The following OR4K5 variants were observed in gnomAD, a reference collection of about 807,000 sequenced individuals.
The protein encoded by OR4K5 is olfactory receptor family 4 subfamily K member 5, also known as olfactory receptor 4K5.
For missense variants in OR4K5, 520 were observed against 377.1 expected, an observed-to-expected ratio of 1.38 and a Z score of -3.14; for synonymous variants, 187 against 142.2, an observed-to-expected ratio of 1.31 and a Z score of -2.24.
In OR4K5 at chr14:19,921,388, C is replaced by CA; in HGVS notation, c.782_783insA (p.Phe262LeufsTer8). ...CCTTGCATCTTCATCTATGTGTGGC[C>CA]CTTTACCATCTCTCCTTTGGATAAA... On this transcript the variant is annotated frameshift_variant, in exon 1 of 1. Coordinates refer to ENST00000315915, the MANE Select transcript of OR4K5 (RefSeq NM_001005483.1). LOFTEE classifies it low-confidence loss of function (END_TRUNC). 6.2e-7 allele frequency: 1 copy of CA among 1,614,090 alleles called. No homozygotes were observed. Among genetic ancestry groups the CA allele is most frequent in the South Asian group, 1.1e-5 (1 of 91,084 alleles).
Position 19,921,191 on chromosome 14 carries a change from T to G in OR4K5, c.585T>G (p.Ile195Met). 2 of 1,614,154 alleles carry G rather than the reference T, an allele frequency of 1.2e-6. No homozygotes were observed. The highest frequency in any genetic ancestry group is 1.7e-6 in the Non-Finnish European group (2 of 1,179,978). Residue 195 changes from isoleucine (I) to methionine (M), a missense_variant, in exon 1 of 1, where the codon ATT becomes ATG. Coordinates refer to ENST00000315915, the MANE Select transcript of OR4K5 (RefSeq NM_001005483.1). ...TKLACLDSYI[I>M]EILIVVNSGI... is the part of the protein sequence containing the mutation. ...TTGCCTGCCTGGACTCTTACATCAT[T>G]GAAATACTAATTGTGGTCAATAGTG...
At position 19,920,903 on chromosome 14, in the gene OR4K5, CCAAATT is replaced by C; in HGVS notation, c.298_303del (p.Gln100_Ile101del). On this transcript the variant is annotated inframe_deletion, in exon 1 of 1. Transcript: ENST00000315915. ...CCATATCTTTCAGTGGCTGCATAGCCCAAATTTTCTTTATTCACCTTTTTACTGGAG... is the reference window on the plus strand; with the variant it reads ...CCATATCTTTCAGTGGCTGCATAGCCTTCTTTATTCACCTTTTTACTGGAG... The C allele has an allele frequency of 6.2e-7, 1 of 1,614,138 alleles. No homozygotes were observed. The highest frequency in any genetic ancestry group is 8.5e-7 in the Non-Finnish European group (1 of 1,179,988).
rs1881916231 is a variant in OR4K5 at position 19,920,872 on chromosome 14, A to G, written c.266A>G (p.His89Arg). Reference sequence around the variant, plus strand: ...ATGATTGCAGATTTTCTGAGTGCACACGAGACCATATCTTTCAGTGGCTGC... The same window carrying G: ...ATGATTGCAGATTTTCTGAGTGCACGCGAGACCATATCTTTCAGTGGCTGC... ...PKMIADFLSA[H>R]ETISFSGCIA... Residue 89 changes from histidine to arginine, a missense_variant, in exon 1 of 1, where the codon CAC becomes CGC. Coordinates refer to ENST00000315915, the MANE Select transcript of OR4K5 (RefSeq NM_001005483.1). 2 of 1,614,176 alleles carry G rather than the reference A, an allele frequency of 1.2e-6. No homozygotes were observed. The highest frequency in any genetic ancestry group is 1.3e-5 in the African/African-American group (1 of 75,048).
chr14:19,921,276 A>G lies in OR4K5; in HGVS notation c.670A>G (p.Thr224Ala). The G allele has an allele frequency of 6.2e-7, 1 of 1,614,132 alleles. No homozygotes were observed. Among genetic ancestry groups the G allele is most frequent in the Non-Finnish European group, 8.5e-7 (1 of 1,179,986 alleles). ...CAGCTCCTACATCATTATTCTTGTT[A>G]CAGTTTGGCTCAAGTCTTCAGCTGC... is the stretch of plus-strand genomic sequence containing the variant. ...LVSSYIIILV[T>A]VWLKSSAAMA... is the part of the protein sequence containing the mutation. The change falls in exon 1 of 1, where the codon ACA (threonine) becomes GCA (alanine). Residue 224 changes from threonine to alanine, a missense_variant. By Grantham distance (58) the Thr-to-Ala change is moderately conservative. Transcript: ENST00000315915.
Position 19,921,261 on chromosome 14 carries a change from A to G in OR4K5, c.655A>G (p.Ile219Val), listed in dbSNP as rs780627285. The G allele has an allele frequency of 1.4e-5, 23 of 1,614,034 alleles. No individual in the cohort carries two copies. In the Admixed American group the frequency reaches 2.8e-4, roughly 20 times the overall value. Residue 219 changes from isoleucine to valine, a missense_variant, in exon 1 of 1, where the codon ATC (isoleucine) becomes GTC (valine). Coordinates refer to ENST00000315915, the MANE Select transcript of OR4K5 (RefSeq NM_001005483.1). ...TTTCTCTCTCTTGGTCAGCTCCTAC[A>G]TCATTATTCTTGTTACAGTTTGGCT... The part of the protein sequence containing the change: ...STFSLLVSSY[I>V]IILVTVWLKS...
In OR4K5 at chr14:19,921,381, G is replaced by A. The variant is rs765694796; in HGVS notation, c.775G>A (p.Val259Met). 6.2e-6 allele frequency: 10 copies of A among 1,613,940 alleles called. No homozygotes were observed. The African/African-American group carries it at 9.3e-5, about 15-fold the overall frequency. The change falls in exon 1 of 1, where the codon GTG (valine) becomes ATG (methionine). Residue 259 changes from valine to methionine, a missense_variant. Transcript: ENST00000315915. ...CTTTGGACCTTGCATCTTCATCTAT[G>A]TGTGGCCCTTTACCATCTCTCCTTT... The part of the protein sequence containing the change: ...LFFGPCIFIY[V>M]WPFTISPLDK...
chr14:19,920,935 G>C lies in OR4K5; in HGVS notation c.329G>C (p.Gly110Ala), dbSNP rs775796786. 1 of 1,614,146 alleles carries C rather than the reference G, an allele frequency of 6.2e-7. No homozygotes were observed. The highest frequency in any genetic ancestry group is 8.5e-7 in the Non-Finnish European group (1 of 1,180,002). The stretch of plus-strand genomic sequence containing the variant: ...TTCTTTATTCACCTTTTTACTGGAG[G>C]GGAGATGGTGCTACTTGTTTCGATG... ...QIFFIHLFTG[G>A]EMVLLVSMAY... Residue 110 changes from glycine (G) to alanine (A), a missense_variant, in exon 1 of 1, where the codon GGG (glycine) becomes GCG (alanine). Physicochemically the swap from Gly to Ala is moderately conservative, Grantham distance 60. Transcript: ENST00000315915.
In OR4K5 at chr14:19,920,777, C is replaced by T; in HGVS notation, c.171C>T (p.Ser57=). The T allele has an allele frequency of 6.2e-7, 1 of 1,614,176 alleles. No individual in the cohort carries two copies. Among genetic ancestry groups the T allele is most frequent in the South Asian group, 1.1e-5 (1 of 91,092 alleles). Residue 57 remains serine (S), a synonymous_variant, in exon 1 of 1, where the codon TCC becomes TCT. Coordinates refer to ENST00000315915, the MANE Select transcript of OR4K5 (RefSeq NM_001005483.1). ...TGACTTCTGATACCAGCCTGCACTC[C>T]CCTATGTACTTTCTCTTGGGAAACC... ...LTVTSDTSLH[S]PMYFLLGNLS... is the part of the protein sequence containing the mutation.
At position 19,920,666 on chromosome 14, in the gene OR4K5, T is replaced by A; in HGVS notation, c.60T>A (p.Ser20=). 1 of 1,613,944 alleles carries A rather than the reference T, an allele frequency of 6.2e-7. No individual in the cohort carries two copies. The highest frequency in any genetic ancestry group is 2.2e-5 in the East Asian group (1 of 44,886). Residue 20 remains serine (S), a synonymous_variant, in exon 1 of 1, where the codon TCT becomes TCA. Transcript: ENST00000315915. ...TTGTACTGTTGGGACTCTGTAGTTC[T>A]CAAAAACTCCAGCTTTTCTATTTTT... The part of the protein sequence containing the change: ...SEFVLLGLCS[S]QKLQLFYFCF...
At position 19,920,692 on chromosome 14, in the gene OR4K5, G is replaced by T; in HGVS notation, c.86G>T (p.Cys29Phe). 6.2e-7 allele frequency: 1 copy of T among 1,613,870 alleles called. No homozygotes were observed. The highest frequency in any genetic ancestry group is 8.5e-7 in the Non-Finnish European group (1 of 1,179,896). Residue 29 changes from cysteine (C) to phenylalanine (F), a missense_variant, in exon 1 of 1, where the codon TGT becomes TTT. Transcript: ENST00000315915. The stretch of plus-strand genomic sequence containing the variant: ...CAAAAACTCCAGCTTTTCTATTTTT[G>T]TTTCTTCTCTGTGTTGTATACAGTC... ...SSQKLQLFYFCFFSVLYTVIV... is the reference protein window; with the variant it reads ...SSQKLQLFYFFFFSVLYTVIV...
In OR4K5 at chr14:19,921,236, T is replaced by C; in HGVS notation, c.630T>C (p.Thr210=). 1 of 1,614,210 alleles carries C rather than the reference T, an allele frequency of 6.2e-7. No homozygotes were observed. Among genetic ancestry groups the C allele is most frequent in the Non-Finnish European group, 8.5e-7 (1 of 1,179,998 alleles). Residue 210 remains threonine, a synonymous_variant, in exon 1 of 1, where the codon ACT becomes ACC. Coordinates refer to ENST00000315915, the MANE Select transcript of OR4K5 (RefSeq NM_001005483.1). ...ATAGTGGAATTCTTTCCCTAAGCAC[T>C]TTCTCTCTCTTGGTCAGCTCCTACA... ...VVNSGILSLS[T]FSLLVSSYII...
Position 19,920,985 on chromosome 14 carries a change from T to G in OR4K5, c.379T>G (p.Cys127Gly). 1 of 1,614,204 alleles carries G rather than the reference T, an allele frequency of 6.2e-7. No homozygotes were observed. Among genetic ancestry groups the G allele is most frequent in the Non-Finnish European group, 8.5e-7 (1 of 1,179,996 alleles). The change falls in exon 1 of 1, where the codon TGC (cysteine) becomes GGC (glycine). Residue 127 changes from cysteine to glycine, a missense_variant. Physicochemically the swap from Cys to Gly is radical, Grantham distance 159 (BLOSUM62 -3). Transcript: ENST00000315915. ...SMAYDRYVAI[C>G]KPLYYVVIMS... Reference sequence around the variant, plus strand: ...GGCCTATGACAGGTATGTAGCCATATGCAAACCCTTATACTATGTGGTCAT... The same window carrying G: ...GGCCTATGACAGGTATGTAGCCATAGGCAAACCCTTATACTATGTGGTCAT...
chr14:19,921,129 G>C lies in OR4K5; in HGVS notation c.523G>C (p.Asp175His). The C allele has an allele frequency of 6.2e-7, 1 of 1,614,164 alleles. No individual in the cohort carries two copies. Among genetic ancestry groups the C allele is most frequent in the Non-Finnish European group, 8.5e-7 (1 of 1,180,000 alleles). ...NLPFCGPNVV[D>H]SFFCDLPRVT... ...GCCTTTTTGTGGACCTAATGTAGTA[G>C]ACAGCTTTTTTTGTGATCTTCCTCG... The change falls in exon 1 of 1, where the codon GAC becomes CAC. Residue 175 changes from aspartate (D) to histidine (H), a missense_variant. Asp to His is a moderately conservative substitution (Grantham distance 81). Transcript: ENST00000315915.
In OR4K5 at chr14:19,921,107, T is replaced by C. The variant is rs745517596; in HGVS notation, c.501T>C (p.Pro167=). Residue 167 remains proline, a synonymous_variant, in exon 1 of 1, where the codon CCT becomes CCC. Transcript: ENST00000315915. ...LSQLSFTVNL[P]FCGPNVVDSF... is the part of the protein sequence containing the mutation. ...AGTTATCATTTACTGTGAACCTGCC[T>C]TTTTGTGGACCTAATGTAGTAGACA... The C allele has an allele frequency of 1.2e-6, 2 of 1,614,202 alleles. No homozygotes were observed. The highest frequency in any genetic ancestry group is 1.3e-5 in the African/African-American group (1 of 75,064).
At position 19,920,730 on chromosome 14, in the gene OR4K5, AATCT is replaced by A; in HGVS notation, c.125_128del (p.Asn42IlefsTer7). The A allele has an allele frequency of 6.2e-7, 1 of 1,614,122 alleles. No individual in the cohort carries two copies. The highest frequency in any genetic ancestry group is 8.5e-7 in the Non-Finnish European group (1 of 1,179,976). On this transcript the variant is annotated frameshift_variant, in exon 1 of 1. Coordinates refer to ENST00000315915, the MANE Select transcript of OR4K5 (RefSeq NM_001005483.1). LOFTEE classifies it low-confidence loss of function (END_TRUNC). The stretch of plus-strand genomic sequence containing the variant: ...GTTGTATACAGTCATTGTGCTGGGA[AATCT>A]TCTCATTATCCTCACAGTGACTTCT...
In OR4K5 at chr14:19,921,150, C is replaced by T. The variant is rs567087443; in HGVS notation, c.544C>T (p.Pro182Ser). Reference sequence around the variant, plus strand: ...AGTAGACAGCTTTTTTTGTGATCTTCCTCGAGTCACCAAACTTGCCTGCCT... The same window carrying T: ...AGTAGACAGCTTTTTTTGTGATCTTTCTCGAGTCACCAAACTTGCCTGCCT... Reference protein sequence around the residue: ...NVVDSFFCDLPRVTKLACLDS... With the variant: ...NVVDSFFCDLSRVTKLACLDS... The change falls in exon 1 of 1, where the codon CCT becomes TCT. Residue 182 changes from proline to serine, a missense_variant. Coordinates refer to ENST00000315915, the MANE Select transcript of OR4K5 (RefSeq NM_001005483.1). The T allele has an allele frequency of 1.5e-5, 24 of 1,614,108 alleles. No individual in the cohort carries two copies. Among genetic ancestry groups the T allele is most frequent in the African/African-American group, 4.0e-5 (3 of 75,030 alleles).
rs1301972238 is a variant in OR4K5 at position 19,921,378 on chromosome 14, T to C, written c.772T>C (p.Tyr258His). The C allele has an allele frequency of 3.7e-6, 6 of 1,614,058 alleles. No individual in the cohort carries two copies. The highest frequency in any genetic ancestry group is 4.2e-6 in the Non-Finnish European group (5 of 1,180,002). The change falls in exon 1 of 1, where the codon TAT (tyrosine) becomes CAT (histidine). Residue 258 changes from tyrosine (Y) to histidine (H), a missense_variant. Transcript: ENST00000315915. ...ATTCTTTGGACCTTGCATCTTCATC[T>C]ATGTGTGGCCCTTTACCATCTCTCC... Reference protein sequence around the residue: ...ILFFGPCIFIYVWPFTISPLD... With the variant: ...ILFFGPCIFIHVWPFTISPLD...
Position 19,921,115 on chromosome 14 carries a change from G to A in OR4K5, c.509G>A (p.Gly170Glu). The change falls in exon 1 of 1, where the codon GGA (glycine) becomes GAA (glutamate). Residue 170 changes from glycine to glutamate, a missense_variant. Gly to Glu is a moderately conservative substitution (Grantham distance 98). Transcript: ENST00000315915. Reference protein sequence around the residue: ...LSFTVNLPFCGPNVVDSFFCD... With the variant: ...LSFTVNLPFCEPNVVDSFFCD... ...TTTACTGTGAACCTGCCTTTTTGTG[G>A]ACCTAATGTAGTAGACAGCTTTTTT... The A allele has an allele frequency of 6.2e-7, 1 of 1,614,134 alleles. No individual in the cohort carries two copies. The highest frequency in any genetic ancestry group is 8.5e-7 in the Non-Finnish European group (1 of 1,179,978).
chr14:19,921,182 T>G lies in OR4K5; in HGVS notation c.576T>G (p.Ser192=). 1 of 1,614,190 alleles carries G rather than the reference T, an allele frequency of 6.2e-7. No homozygotes were observed. Among genetic ancestry groups the G allele is most frequent in the Non-Finnish European group, 8.5e-7 (1 of 1,179,998 alleles). The change falls in exon 1 of 1, where the codon TCT becomes TCG. Residue 192 remains serine (S), a synonymous_variant. Coordinates refer to ENST00000315915, the MANE Select transcript of OR4K5 (RefSeq NM_001005483.1). ...TCACCAAACTTGCCTGCCTGGACTCTTACATCATTGAAATACTAATTGTGG... is the reference window on the plus strand; with the variant it reads ...TCACCAAACTTGCCTGCCTGGACTCGTACATCATTGAAATACTAATTGTGG... The part of the protein sequence containing the change: ...PRVTKLACLD[S]YIIEILIVVN...
Sources: allele counts gnomAD v4.1 joint callset, GRCh38; gene constraint gnomAD v4.1.1; transcripts MANE v1.5; gene names NCBI Gene and HGNC (gene_info 2026-07-23, HGNC 2026-07-21).